GRID1: variants seen among roughly 807,000 people sequenced by gnomAD.
The protein encoded by GRID1 is glutamate ionotropic receptor delta type subunit 1.
A neutral mutation model predicts 98.0 loss-of-function variants in GRID1; 28 were observed. The observed-to-expected ratio is 0.29, with a 90% CI of 0.21 to 0.39. The LOEUF (loss-of-function observed/expected upper bound fraction) is 0.39, where lower values mean the gene tolerates loss of function less well. Ranked by LOEUF, GRID1 falls within the 10% of genes least tolerant of loss-of-function variation. The pLI, the probability that GRID1 is intolerant of heterozygous loss-of-function variation, is 1.00. For missense variants in GRID1, 1,111 were observed against 1,340.5 expected (o/e 0.83, Z 2.67); for synonymous variants, 553 against 538.5 (o/e 1.03, Z -0.37).
intron 2 of GRID1, among the ~76,000 whole-genome samples, chr10:86,270,063 G>A (rs1020356967): frequency 9.2e-5 from 14 of 152,124 alleles, no homozygotes; most frequent in African/African-American, 3.1e-4. Flanking sequence ...GTTTATAATT[G>A]CATTCAATGA....
intron 4 of GRID1, among the ~76,000 whole-genome samples, chr10:86,136,938 AC>A (rs1844935530): frequency 2.6e-5 from 4 of 152,074 alleles, no homozygotes; most frequent in Admixed American, 1.3e-4. Flanking sequence ...CTGCACATGT[AC>A]CCCCTGTACC....
At chr10:86,184,438 T>C (rs1049402811) in intron 3 of GRID1, among the ~76,000 whole-genome samples, 1 of 151,002 alleles carries the variant, frequency 6.6e-6, no homozygotes, top group African/African-American at 2.4e-5. Context: ...ACAGGCAAGG[T>C]GATTGTAGTA....
chr10:85,936,634 C>A (rs1028296287), intron 4 of GRID1, among the ~76,000 whole-genome samples: 2 of 152,128 alleles, frequency 1.3e-5, no homozygotes, highest in African/African-American at 4.8e-5. Context: ...TGTTGCCTTG[C>A]CTACTGGGAA....
chr10:86,212,938 A>G (rs1177319637), intron 2 of GRID1, among the ~76,000 whole-genome samples: 2 of 152,100 alleles, frequency 1.3e-5, no homozygotes, highest in Admixed American at 6.5e-5. Context: ...TAAGAGGCCA[A>G]TGCTAGAGCT....
chr10:86,090,364 G>T (rs1159525830), intron 4 of GRID1, among the ~76,000 whole-genome samples: 1 of 151,882 alleles, frequency 6.6e-6, no homozygotes, highest in Non-Finnish European at 1.5e-5. Flanking sequence ...CGTGAGCTGA[G>T]ATCACACCAC....
chr10:86,078,688 G>A (rs1843920954), intron 4 of GRID1, among the ~76,000 whole-genome samples: 1 of 152,242 alleles, frequency 6.6e-6, no homozygotes. Context: ...AACGCTTGGG[G>A]GCCTAGGGCT....
chr10:85,659,895 T>C (rs941855773), intron 12 of GRID1, among the ~76,000 whole-genome samples: 6 of 152,248 alleles, frequency 3.9e-5, no homozygotes, highest in Admixed American at 3.9e-4. Flanking sequence ...TTGAAGCTGG[T>C]CCATGCCAGA....
intron 4 of GRID1, among the ~76,000 whole-genome samples, chr10:85,918,642 A>G (rs181998784): frequency 8.5e-5 from 13 of 152,306 alleles, no homozygotes; most frequent in African/African-American, 1.9e-4. Flanking sequence ...GAGAGATTGG[A>G]ATTGCTCTAT....
At position 85,613,582 on chromosome 10, in the gene GRID1, C is replaced by T; in HGVS notation, c.2426G>A (p.Gly809Asp). The T allele has an allele frequency of 1.2e-6, 2 of 1,614,164 alleles. No individual in the cohort carries two copies. The highest frequency in any genetic ancestry group is 1.7e-6 in the Non-Finnish European group (2 of 1,180,014). ...VLKQKWWPHM[G>D]RCDLTSHASA... ...GGCATGGCTGGTGAGGTCACAGCGG[C>T]CCATGTGCGGCCACCACTTCTGCTT... Residue 809 changes from glycine (G) to aspartate (D), a missense_variant, in exon 15 of 16, where the codon GGC (glycine) becomes GAC (aspartate). Gly to Asp is a moderately conservative substitution (Grantham distance 94, BLOSUM62 -1). Coordinates refer to ENST00000327946, the MANE Select transcript of GRID1 (RefSeq NM_017551.3).
chr10:85,943,756 TG>T (rs1308993888), intron 4 of GRID1, among the ~76,000 whole-genome samples: 2 of 152,158 alleles, frequency 1.3e-5, no homozygotes, highest in Non-Finnish European at 2.9e-5. Flanking sequence ...TAAAGGAGAA[TG>T]GGGCAAAGGA....
chr10:86,322,026 G>T (rs1847977529), intron 2 of GRID1, among the ~76,000 whole-genome samples: 1 of 152,020 alleles, frequency 6.6e-6, no homozygotes, highest in Non-Finnish European at 1.5e-5. Context: ...CAAGCAGAAT[G>T]ACACTTTGAA....
At chr10:86,131,690 C>G (rs573874617) in intron 4 of GRID1, among the ~76,000 whole-genome samples, 2 of 152,176 alleles carry the variant, frequency 1.3e-5, no homozygotes, top group Non-Finnish European at 2.9e-5. Flanking sequence ...GCACTCAGGC[C>G]TTTTTCCCTG....
intron 4 of GRID1, among the ~76,000 whole-genome samples, chr10:85,959,174 T>G (rs948987624): frequency 6.6e-6 from 1 of 152,106 alleles, no homozygotes; most frequent in Admixed American, 6.5e-5. Context: ...CCTCCAAAAG[T>G]GCCTGAGCCA....
At chr10:86,112,066 C>T (rs1302446882) in intron 4 of GRID1, among the ~76,000 whole-genome samples, 1 of 152,194 alleles carries the variant, frequency 6.6e-6, no homozygotes, top group African/African-American at 2.4e-5. Flanking sequence ...AGGTGTAAGA[C>T]CTGAGTTGCC....
chr10:86,045,487 C>G (rs911878334), intron 4 of GRID1, among the ~76,000 whole-genome samples: 6 of 152,202 alleles, frequency 3.9e-5, no homozygotes, highest in African/African-American at 7.2e-5. Flanking sequence ...AGGGCAACAA[C>G]AGACGAGTCA....
chr10:85,659,458 C>G (rs1840939822), intron 12 of GRID1, among the ~76,000 whole-genome samples: 1 of 152,216 alleles, frequency 6.6e-6, no homozygotes, highest in Non-Finnish European at 1.5e-5. Flanking sequence ...TCACAGCACA[C>G]AAGACATCTG....
At chr10:85,637,749 G>A (rs574109739) in intron 13 of GRID1, among the ~76,000 whole-genome samples, 1 of 152,166 alleles carries the variant, frequency 6.6e-6, no homozygotes, top group African/African-American at 2.4e-5. Context: ...AAAAGGAGTT[G>A]AGGCTTATAG....
At chr10:85,800,015 C>A (rs1842561642) in intron 8 of GRID1, among the ~76,000 whole-genome samples, 2 of 151,880 alleles carry the variant, frequency 1.3e-5, no homozygotes, top group African/African-American at 4.8e-5. Flanking sequence ...AATTAAAAGA[C>A]AAAATTAAAA....
chr10:86,045,352 T>G (rs918654685), intron 4 of GRID1, among the ~76,000 whole-genome samples: 2 of 152,176 alleles, frequency 1.3e-5, no homozygotes, highest in Non-Finnish European at 2.9e-5. Context: ...GGTGACCACA[T>G]CTACACATGC....
Sources: allele counts gnomAD v4.1 joint callset (sites outside exome capture counted in the v4.1 genomes callset), GRCh38; gene constraint gnomAD v4.1.1; transcripts MANE v1.5; gene names NCBI Gene and HGNC (gene_info 2026-07-23, HGNC 2026-07-21).